Variants in SDK1 observed in about 807,000 individuals in gnomAD.
The protein encoded by SDK1 is protein sidekick-1.
A neutral mutation model predicts 245.5 loss-of-function variants in SDK1; 157 were observed. The ratio of observed to expected loss-of-function variants is 0.64; its 90% CI spans 0.56 to 0.73. SDK1 has a LOEUF of 0.73. SDK1 is among the 30% of genes least tolerant of loss of function. SDK1 has a pLI of 0.00. For missense variants in SDK1, 3,583 were observed against 3,002.3 expected (o/e 1.19, Z -4.52); for synonymous variants, 1,647 against 1,278.5 (o/e 1.29, Z -6.15).
chr7:3,403,824 C>CATATATATATATAT (rs10650660), intron 1 of SDK1, among the ~76,000 whole-genome samples: 3 of 60,742 alleles, frequency 4.9e-5, no homozygotes, highest in African/African-American at 9.9e-5. Context: ...AAATATCTTA[C>CATATATATATATAT]ATATATATAT....
At chr7:4,144,868 C>A (rs1007728675) in intron 28 of SDK1, among the ~76,000 whole-genome samples, 4 of 152,130 alleles carry the variant, frequency 2.6e-5, no homozygotes, top group Admixed American at 6.5e-5. Context: ...TTTTTGGAAG[C>A]CACAGCGCCC....
chr7:3,553,925 C>G (rs1260838531), intron 1 of SDK1, among the ~76,000 whole-genome samples: 1 of 152,188 alleles, frequency 6.6e-6, no homozygotes, highest in Non-Finnish European at 1.5e-5. Flanking sequence ...GAGCCCCCAT[C>G]AGAACCAGAC....
intron 1 of SDK1, among the ~76,000 whole-genome samples, chr7:3,364,665 CTTGA>C (rs2128561537): frequency 6.6e-6 from 1 of 152,252 alleles, no homozygotes; most frequent in African/African-American, 2.4e-5. Flanking sequence ...AATATATTGT[CTTGA>C]TTACTATAGC....
At chr7:3,726,072 T>C (rs140210991) in intron 4 of SDK1, among the ~76,000 whole-genome samples, 6 of 152,382 alleles carry the variant, frequency 3.9e-5, no homozygotes, top group East Asian at 1.9e-4. Context: ...ATCTGCCTAA[T>C]GTTCTTTCCT....
chr7:3,624,526 G>C (rs1043612376), intron 2 of SDK1, among the ~76,000 whole-genome samples: 1 of 151,960 alleles, frequency 6.6e-6, no homozygotes, highest in East Asian at 1.9e-4. Context: ...AATGCCAATG[G>C]GATTTTCTGG....
At chr7:4,020,066 A>T (rs1430895892) in intron 17 of SDK1, among the ~76,000 whole-genome samples, 1 of 150,346 alleles carries the variant, frequency 6.7e-6, no homozygotes, top group Non-Finnish European at 1.5e-5. Flanking sequence ...CCAACCCTAA[A>T]CCTATTCCTG....
At chr7:3,925,952 C>T (rs935816558) in intron 5 of SDK1, among the ~76,000 whole-genome samples, 3 of 152,152 alleles carry the variant, frequency 2.0e-5, no homozygotes, top group Non-Finnish European at 4.4e-5. Flanking sequence ...GTTGAACAAA[C>T]GTGTTATCCC....
chr7:3,411,926 G>A (rs1216642060), intron 1 of SDK1, among the ~76,000 whole-genome samples: 1 of 152,120 alleles, frequency 6.6e-6, no homozygotes, highest in African/African-American at 2.4e-5. Flanking sequence ...TTCCTAGGAA[G>A]AAGAAATGAT....
chr7:4,165,457 T>C (rs1174913700), intron 32 of SDK1, among the ~76,000 whole-genome samples: 1 of 152,192 alleles, frequency 6.6e-6, no homozygotes, highest in Non-Finnish European at 1.5e-5. Context: ...TTATTCTTAG[T>C]AGGACAGTCA....
At chr7:3,365,348 G>C (rs1428160323) in intron 1 of SDK1, among the ~76,000 whole-genome samples, 1 of 152,102 alleles carries the variant, frequency 6.6e-6, no homozygotes, top group Non-Finnish European at 1.5e-5. Context: ...TTTTAGGGGA[G>C]AATAATTTGA....
At chr7:3,992,334 G>A (rs906414475) in intron 14 of SDK1, among the ~76,000 whole-genome samples, 1 of 152,210 alleles carries the variant, frequency 6.6e-6, no homozygotes, top group Admixed American at 6.5e-5. Context: ...AGGCATGCCA[G>A]GGTTTGCCTC....
intron 1 of SDK1, among the ~76,000 whole-genome samples, chr7:3,480,065 C>G (rs1378992208): frequency 6.6e-6 from 1 of 152,064 alleles, no homozygotes; most frequent in South Asian, 2.1e-4. Context: ...CTTTACATGG[C>G]AAAGGGGAAT....
intron 17 of SDK1, among the ~76,000 whole-genome samples, chr7:4,033,902 G>A (rs1215571669): frequency 6.6e-6 from 1 of 152,114 alleles, no homozygotes; most frequent in Non-Finnish European, 1.5e-5. Context: ...AGAACTAGTG[G>A]GAGAAGTTTG....
At chr7:3,589,549 A>G (rs928477630) in intron 1 of SDK1, among the ~76,000 whole-genome samples, 2 of 152,232 alleles carry the variant, frequency 1.3e-5, no homozygotes, top group African/African-American at 2.4e-5. Context: ...TTTATAAAGA[A>G]AAGAAGTTTA....
At chr7:4,122,453 A>G (rs1321167202) in intron 25 of SDK1, among the ~76,000 whole-genome samples, 1 of 152,190 alleles carries the variant, frequency 6.6e-6, no homozygotes, top group African/African-American at 2.4e-5. Flanking sequence ...CTCAATGGAA[A>G]TAGCAGCTCC....
intron 1 of SDK1, among the ~76,000 whole-genome samples, chr7:3,404,539 A>G (rs1224266520): frequency 6.6e-6 from 1 of 152,214 alleles, no homozygotes; most frequent in Non-Finnish European, 1.5e-5. Flanking sequence ...TAGGCTTGAC[A>G]TTATTTTTGT....
At chr7:4,227,221 C>T in intron 40 of SDK1, 1 of 327,612 alleles carries the variant, frequency 3.1e-6, no homozygotes, top group South Asian at 2.6e-5. Flanking sequence ...GGGGCTGTTG[C>T]CATGGCTCTG....
chr7:3,580,818 A>C (rs1474720886), intron 1 of SDK1, among the ~76,000 whole-genome samples: 3 of 151,712 alleles, frequency 2.0e-5, no homozygotes. Context: ...AATACAAAAA[A>C]TAGGCTGGAT....
At chr7:3,537,921 C>T (rs994672550) in intron 1 of SDK1, among the ~76,000 whole-genome samples, 1 of 152,222 alleles carries the variant, frequency 6.6e-6, no homozygotes, top group Non-Finnish European at 1.5e-5. Flanking sequence ...ACCCCAGAGT[C>T]TCCCTCTGCA....
Sources: gnomAD v4.1 joint callset for allele counts (sites outside exome capture counted in the v4.1 genomes callset) on GRCh38, gnomAD v4.1.1 for gene constraint, MANE v1.5 for transcripts, NCBI Gene and HGNC (gene_info 2026-07-23, HGNC 2026-07-21) for gene names.